The following CFAP43 variants were observed in gnomAD, a reference collection of about 807,000 sequenced individuals.
CFAP43 encodes cilia and flagella associated protein 43.
In CFAP43, 155 loss-of-function variants were observed where a neutral mutation model predicts 218.9. The ratio of observed to expected loss-of-function variants is 0.71; its 90% CI spans 0.62 to 0.81. CFAP43 has a LOEUF of 0.81. Ranked by LOEUF, CFAP43 falls within the 30% of genes least tolerant of loss-of-function variation. The pLI is 0.00. For missense variants in CFAP43, 1,778 were observed against 1,954.3 expected (o/e 0.91, Z 1.70); for synonymous variants, 645 against 681.3 (o/e 0.95, Z 0.83).
chr10:104,175,582 C>CA lies in CFAP43; in HGVS notation c.2461-3048dup, dbSNP rs537671200. ...CTGTGAAAACATAAAACACGATATC[C>CA]AAAAAATGCTGGCAACACAGTACAC... is the stretch of plus-strand genomic sequence containing the variant. On this transcript the variant is annotated intron_variant, in intron 19 of 37. Coordinates refer to ENST00000357060, the MANE Select transcript of CFAP43 (RefSeq NM_025145.7). Among the ~76,000 whole-genome samples the CA allele has an allele frequency of 2.6e-5, 4 of 152,144 alleles. No homozygotes were observed. The South Asian group carries it at 8.3e-4, about 32-fold the overall frequency.
chr10:104,185,855 T>G, intron 15 of CFAP43, 119 bp downstream of exon 15: 1 of 782,926 alleles, frequency 1.3e-6, no homozygotes, highest in Non-Finnish European at 1.9e-6. Context: ...ATTAGTACCT[T>G]CAATATCTTT....
At chr10:104,183,998 C>T (rs1010016351) in intron 16 of CFAP43, among the ~76,000 whole-genome samples, 2 of 152,164 alleles carry the variant, frequency 1.3e-5, no homozygotes, top group African/African-American at 2.4e-5. Flanking sequence ...AACATTTTCA[C>T]AATGTTGCAG....
chr10:104,155,128 C>T (rs1430663361), intron 27 of CFAP43, among the ~76,000 whole-genome samples: 1 of 152,136 alleles, frequency 6.6e-6, no homozygotes, highest in Non-Finnish European at 1.5e-5. Flanking sequence ...AGGGACTCTG[C>T]TGAATTGTCT....
chr10:104,161,313 T>C, intron 26 of CFAP43, 151 bp from the exon 27 acceptor site: 1 of 815,788 alleles, frequency 1.2e-6, no homozygotes, highest in Non-Finnish European at 1.8e-6. Context: ...GCAAAAGATA[T>C]TTTAAAATTT....
At chr10:104,159,204 C>T (rs1288580090) in intron 27 of CFAP43, among the ~76,000 whole-genome samples, 1 of 152,022 alleles carries the variant, frequency 6.6e-6, no homozygotes, top group East Asian at 1.9e-4. Flanking sequence ...TGAAAACCAT[C>T]AACATAGATT....
chr10:104,183,514 C>T lies in CFAP43; in HGVS notation c.2142-1001G>A, dbSNP rs972726921. Among the ~76,000 whole-genome samples the T allele has an allele frequency of 5.3e-5, 8 of 152,016 alleles. No individual in the cohort carries two copies. In the South Asian group the frequency reaches 1.0e-3, roughly 20 times the overall value. ...ACGCCATTCTCCTGCCTCAGCCTCC[C>T]GAGTAGCTGGGACTACAGGCGCCCG... On this transcript the variant is annotated intron_variant, in intron 16 of 37. Coordinates refer to ENST00000357060, the MANE Select transcript of CFAP43 (RefSeq NM_025145.7).
In CFAP43 at chr10:104,227,835, C is replaced by CT. The variant is rs776193577; in HGVS notation, c.320-2279dup. ...CTCCTCTATTCTACCATGTTTTCTA[C>CT]TTTTTTTTTTTTTTTTTTTTTTTTT... On this transcript the variant is annotated intron_variant, in intron 2 of 37. Coordinates refer to ENST00000357060, the MANE Select transcript of CFAP43 (RefSeq NM_025145.7). Among the ~76,000 whole-genome samples, 383 of 58,362 alleles carry CT rather than the reference C, an allele frequency of 6.6e-3. 64 individuals are homozygous for CT. Among genetic ancestry groups the CT allele is most frequent in the South Asian group, 0.012 (17 of 1,454 alleles). 38.3% of individuals were successfully genotyped at this position (58,362 alleles called of 152,430 possible). A position where few individuals can be genotyped will look rare whatever the true frequency, so the allele number is the denominator to read the frequency against.
At chr10:104,216,684 T>C (rs1347840429) in intron 3 of CFAP43, among the ~76,000 whole-genome samples, 1 of 152,098 alleles carries the variant, frequency 6.6e-6, no homozygotes, top group Non-Finnish European at 1.5e-5. Context: ...CTGAGGACTG[T>C]CCTGATTCAT....
intron 19 of CFAP43, among the ~76,000 whole-genome samples, chr10:104,174,916 G>A (rs1329624114): frequency 6.6e-6 from 1 of 151,674 alleles, no homozygotes; most frequent in Non-Finnish European, 1.5e-5. Flanking sequence ...TCAGCTGGGC[G>A]AGGTGGCGGG....
chr10:104,179,243 T>C (rs2089738888), intron 18 of CFAP43, 137 bp from the exon 19 acceptor site: 1 of 647,752 alleles, frequency 1.5e-6, no homozygotes, highest in Non-Finnish European at 2.6e-6. Flanking sequence ...CATGAAGTAA[T>C]ACCACTGCAG....
intron 3 of CFAP43, among the ~76,000 whole-genome samples, chr10:104,222,024 ATTG>A: frequency 6.6e-6 from 1 of 152,294 alleles, no homozygotes; most frequent in Middle Eastern, 3.4e-3. Context: ...CTTTTTCAGA[ATTG>A]TTATTTTTAA....
Position 104,157,241 on chromosome 10 carries a change from G to A in CFAP43, c.3540+3796C>T, listed in dbSNP as rs576352338. Among the ~76,000 whole-genome samples, 5 of 152,272 alleles carry A rather than the reference G, an allele frequency of 3.3e-5. No individual in the cohort carries two copies. In the South Asian group the frequency reaches 1.0e-3, roughly 32 times the overall value. ...TGGACTCTGTTTAGTTCTCAGTAAG[G>A]CAGGCCCATACCTTTTTCCTTCCTC... On this transcript the variant is annotated intron_variant, in intron 27 of 37. Transcript: ENST00000357060.
Position 104,198,038 on chromosome 10 carries a change from C to T in CFAP43, c.1096G>A (p.Gly366Arg). Reference protein sequence around the residue: ...YTVLLIQTDKGSVYIYTFGKE... With the variant: ...YTVLLIQTDKRSVYIYTFGKE... ...CCAAAAGTGTAGATATAAACAGATC[C>T]CTGATAAACATACAAAAGAAAAGAA... Residue 366 changes from glycine (G) to arginine (R), a missense_variant and splice_region_variant, in exon 9 of 38, where the codon GGA becomes AGA. This residue lies in a region of CFAP43 where 1,553 missense variants were observed against 1,685.2 expected (regional missense o/e 0.92). Transcript: ENST00000357060. 1 of 1,544,562 alleles carries T rather than the reference C, an allele frequency of 6.5e-7. No homozygotes were observed. Among genetic ancestry groups the T allele is most frequent in the Non-Finnish European group, 8.9e-7 (1 of 1,122,042 alleles).
rs2090306311 is a variant in CFAP43 at position 104,193,884 on chromosome 10, G to A, written c.1424C>T (p.Ser475Leu). The A allele has an allele frequency of 1.9e-6, 3 of 1,614,064 alleles. No individual in the cohort carries two copies. The highest frequency in any genetic ancestry group is 2.5e-6 in the Non-Finnish European group (3 of 1,179,972). Residue 475 changes from serine to leucine, a missense_variant, in exon 11 of 38, where the codon TCG becomes TTG. By Grantham distance (145) the Ser-to-Leu change is moderately radical (BLOSUM62 -2). This residue lies in a region of CFAP43 where 1,553 missense variants were observed against 1,685.2 expected (regional missense o/e 0.92). Coordinates refer to ENST00000357060, the MANE Select transcript of CFAP43 (RefSeq NM_025145.7). ...GACTTACACGACGTGCTGCACGGAC[G>A]ATTCCGAGAGAAAGGCCTTGTGCAC... ...QVVHKAFLSE[S>L]SVQHVVYDQQ...
intron 2 of CFAP43, 85 bp from the exon 3 acceptor site, chr10:104,225,642 C>A (rs1280971045): frequency 2.7e-6 from 3 of 1,120,720 alleles, no homozygotes; most frequent in Non-Finnish European, 3.7e-6. Flanking sequence ...TTTTCCTTTG[C>A]TAATGATTTT....
Position 104,196,898 on chromosome 10 carries a change from C to G in CFAP43, c.1248G>C (p.Trp416Cys), listed in dbSNP as rs141585073. The change falls in exon 10 of 38, where the codon TGG becomes TGC. Residue 416 changes from tryptophan to cysteine, a missense_variant. Coordinates refer to ENST00000357060, the MANE Select transcript of CFAP43 (RefSeq NM_025145.7). ...TGCTTACACAAGCACAATCCTCCAG[C>G]CACCAAACACAAATTTCCCCTGAAT... ...LTYSGEICVWWLEDCACVSKI... is the reference protein window; with the variant it reads ...LTYSGEICVWCLEDCACVSKI... The G allele has an allele frequency of 9.8e-5, 158 of 1,612,958 alleles. No individual in the cohort carries two copies. Among genetic ancestry groups the G allele is most frequent in the Middle Eastern group, 1.6e-4 (1 of 6,078 alleles).
chr10:104,135,021 G>T (rs891975926), intron 34 of CFAP43, among the ~76,000 whole-genome samples: 1 of 152,022 alleles, frequency 6.6e-6, no homozygotes, highest in African/African-American at 2.4e-5. Context: ...ACATTGAAAG[G>T]ATTATAACTA....
chr10:104,149,013 T>A (rs1370918337), intron 28 of CFAP43, among the ~76,000 whole-genome samples: 1 of 152,158 alleles, frequency 6.6e-6, no homozygotes, highest in Non-Finnish European at 1.5e-5. Flanking sequence ...ATAAAATAAA[T>A]CTCTTATACT....
chr10:104,207,726 C>A lies in CFAP43; in HGVS notation c.834G>T (p.Met278Ile). 1 of 1,614,136 alleles carries A rather than the reference C, an allele frequency of 6.2e-7. No homozygotes were observed. The highest frequency in any genetic ancestry group is 8.5e-7 in the Non-Finnish European group (1 of 1,180,022). The change falls in exon 6 of 38, where the codon ATG (methionine) becomes ATT (isoleucine). Residue 278 changes from methionine (M) to isoleucine (I), a missense_variant. By Grantham distance (10) the Met-to-Ile change is conservative (BLOSUM62 1). Transcript: ENST00000357060. ...TCACTTGCAAGGTGTCTCCATTAAT[C>A]ATTAAAAGATGACCCTCTTCACAGC... Reference protein sequence around the residue: ...YIGCEEGHLLMINGDTLQVTV... With the variant: ...YIGCEEGHLLIINGDTLQVTV...
Sources: gnomAD v4.1 joint callset for allele counts (sites outside exome capture counted in the v4.1 genomes callset) on GRCh38, gnomAD v4.1.1 for gene constraint, gnomAD v4.1.1 regional missense constraint, MANE v1.5 for transcripts, NCBI Gene and HGNC (gene_info 2026-07-23, HGNC 2026-07-21) for gene names.